GRM3: variants seen among roughly 807,000 people sequenced by gnomAD.
The protein encoded by GRM3 is glutamate metabotropic receptor 3.
In GRM3, 26 loss-of-function variants were observed where a neutral mutation model predicts 70.5. The observed-to-expected ratio is 0.37, with a 90% CI of 0.27 to 0.51. The LOEUF is 0.51. Ranked by LOEUF, GRM3 falls within the 20% of genes least tolerant of loss-of-function variation. The pLI is 0.93. For missense variants in GRM3, 859 were observed against 1,123.8 expected, an observed-to-expected ratio of 0.76 and a Z score of 3.37; for synonymous variants, 443 against 434.9, an observed-to-expected ratio of 1.02 and a Z score of -0.23.
chr7:86,663,176 A>G (rs375131032), intron 1 of GRM3, among the ~76,000 whole-genome samples: 2 of 151,894 alleles, frequency 1.3e-5, no homozygotes, highest in East Asian at 3.9e-4. Context: ...GCCCTAGGGT[A>G]CTTCTACTTA....
At chr7:86,832,245 CTT>C (rs371453726) in intron 3 of GRM3, among the ~76,000 whole-genome samples, 3,818 of 112,058 alleles carry the variant, frequency 0.034, 100 homozygotes, top group African/African-American at 0.13. Flanking sequence ...TGCTTGTAGC[CTT>C]TTTTTTTTTT....
At chr7:86,851,021 C>G (rs922557045) in intron 5 of GRM3, among the ~76,000 whole-genome samples, 1 of 152,082 alleles carries the variant, frequency 6.6e-6, no homozygotes, top group Non-Finnish European at 1.5e-5. Context: ...TAATAAAATA[C>G]AATGAAAAGT....
intron 1 of GRM3, among the ~76,000 whole-genome samples, chr7:86,711,208 A>C (rs1795192637): frequency 6.6e-6 from 1 of 151,750 alleles, no homozygotes; most frequent in Non-Finnish European, 1.5e-5. Flanking sequence ...ATTATACTTT[A>C]AGTTTTAGGG....
chr7:86,845,908 C>T (rs1012204982), intron 4 of GRM3, among the ~76,000 whole-genome samples: 2 of 152,174 alleles, frequency 1.3e-5, no homozygotes, highest in African/African-American at 4.8e-5. Flanking sequence ...AGCTTTCTGG[C>T]TGGAACTCAT....
At position 86,652,934 on chromosome 7, in the gene GRM3, C is replaced by T. The variant is rs111584663; in HGVS notation, c.-141+8062C>T. 6.9e-3 allele frequency among the ~76,000 whole-genome samples: 1,048 copies of T among 152,312 alleles called. 19 individuals carry two copies. Among genetic ancestry groups the T allele is most frequent in the African/African-American group, 0.024 (983 of 41,570 alleles). ...ATATAGATTGAAGTTTTGGAATCTG[C>T]ATAGTAAGTAAACTTCTGATTATTC... On this transcript the variant is annotated intron_variant, in intron 1 of 5. Coordinates refer to ENST00000361669, the MANE Select transcript of GRM3 (RefSeq NM_000840.3).
chr7:86,756,750 T>A (rs1003816971), intron 1 of GRM3, among the ~76,000 whole-genome samples: 1 of 152,162 alleles, frequency 6.6e-6, no homozygotes, highest in Non-Finnish European at 1.5e-5. Context: ...ATGTTTATCA[T>A]CAAATTTGGG....
intron 3 of GRM3, among the ~76,000 whole-genome samples, chr7:86,831,793 T>TAA (rs35888996): frequency 0.015 from 1,718 of 113,892 alleles, 31 homozygotes; most frequent in East Asian, 0.054. Flanking sequence ...ATAGCACCGT[T>TAA]AAAAAAAAAA....
At chr7:86,656,618 T>G (rs1793752481) in intron 1 of GRM3, among the ~76,000 whole-genome samples, 1 of 152,004 alleles carries the variant, frequency 6.6e-6, no homozygotes. Flanking sequence ...GTGAACATAT[T>G]TGGACTACAG....
chr7:86,690,295 G>A (rs746803822), intron 1 of GRM3, among the ~76,000 whole-genome samples: 3 of 152,106 alleles, frequency 2.0e-5, no homozygotes, highest in African/African-American at 7.2e-5. Flanking sequence ...GATGAATTTG[G>A]TGAGGAAGGT....
intron 1 of GRM3, among the ~76,000 whole-genome samples, chr7:86,657,629 A>G (rs574764747): frequency 6.6e-6 from 1 of 152,306 alleles, no homozygotes; most frequent in Admixed American, 6.5e-5. Context: ...AAAATCTCTG[A>G]AGACACTTGA....
intron 1 of GRM3, among the ~76,000 whole-genome samples, chr7:86,689,108 G>T (rs896490404): frequency 6.6e-6 from 1 of 151,266 alleles, no homozygotes; most frequent in South Asian, 2.1e-4. Flanking sequence ...AGGGAACCAA[G>T]ACATTAAATG....
At chr7:86,790,178 T>G (rs942774743) in intron 3 of GRM3, among the ~76,000 whole-genome samples, 2 of 151,870 alleles carry the variant, frequency 1.3e-5, no homozygotes, top group Admixed American at 1.3e-4. Context: ...GATTCCTGTG[T>G]CTCTTTGAGA....
At chr7:86,751,060 G>C (rs1484590271) in intron 1 of GRM3, among the ~76,000 whole-genome samples, 1 of 152,082 alleles carries the variant, frequency 6.6e-6, no homozygotes, top group African/African-American at 2.4e-5. Flanking sequence ...AGACCAGTGA[G>C]TTGATCTCTG....
chr7:86,726,609 A>T (rs1795598516), intron 1 of GRM3, among the ~76,000 whole-genome samples: 1 of 152,144 alleles, frequency 6.6e-6, no homozygotes, highest in Non-Finnish European at 1.5e-5. Context: ...ACCTTTAAAC[A>T]GCCTATTTCC....
At position 86,721,921 on chromosome 7, in the gene GRM3, T is replaced by C. The variant is rs548320273; in HGVS notation, c.-140-43085T>C. ...GAATATCACTAGGAAGCATGGAAGATACCAGGAGAAACATTGACTCCTGGA... is the reference window on the plus strand; with the variant it reads ...GAATATCACTAGGAAGCATGGAAGACACCAGGAGAAACATTGACTCCTGGA... On this transcript the variant is annotated intron_variant, in intron 1 of 5. Transcript: ENST00000361669. Among the ~76,000 whole-genome samples, 27 of 152,214 alleles carry C rather than the reference T, an allele frequency of 1.8e-4. No individual in the cohort carries two copies. In the East Asian group the frequency reaches 4.8e-3, roughly 27 times the overall value.
intron 2 of GRM3, 53 bp downstream of exon 2, chr7:86,765,666 G>A (rs1391587528): frequency 2.0e-6 from 3 of 1,484,990 alleles, no homozygotes; most frequent in Admixed American, 3.9e-5. Context: ...GCTTTTATGT[G>A]TTGGGGGAAC....
At chr7:86,661,351 C>A (rs1344186574) in intron 1 of GRM3, among the ~76,000 whole-genome samples, 1 of 151,950 alleles carries the variant, frequency 6.6e-6, no homozygotes, top group Non-Finnish European at 1.5e-5. Context: ...ACTTAGTGTA[C>A]TTTGGTACAT....
intron 3 of GRM3, among the ~76,000 whole-genome samples, chr7:86,797,286 T>G (rs1423373420): frequency 6.6e-6 from 1 of 152,174 alleles, no homozygotes; most frequent in African/African-American, 2.4e-5. Context: ...TGTTGAATGG[T>G]TTTGACCAAA....
intron 1 of GRM3, among the ~76,000 whole-genome samples, chr7:86,693,273 G>C (rs975102303): frequency 6.6e-6 from 1 of 152,150 alleles, no homozygotes; most frequent in Non-Finnish European, 1.5e-5. Flanking sequence ...ATTTCTTCAG[G>C]AAGTAGAAGT....
Sources: allele counts gnomAD v4.1 joint callset (sites outside exome capture counted in the v4.1 genomes callset), GRCh38; gene constraint gnomAD v4.1.1; transcripts MANE v1.5; gene names NCBI Gene and HGNC (gene_info 2026-07-23, HGNC 2026-07-21).